Variants in IQCB1 observed in about 807,000 individuals in gnomAD.
The protein encoded by IQCB1 is IQ calmodulin-binding motif-containing protein 1.
A neutral mutation model predicts 84.4 loss-of-function variants in IQCB1; 56 were observed. The observed-to-expected ratio is 0.66, with a 90% CI of 0.54 to 0.83. IQCB1 has a LOEUF of 0.83. IQCB1 is among the 40% of genes least tolerant of loss of function. IQCB1 has a pLI of 0.00. For synonymous variants in IQCB1, 210 were observed against 234.8 expected (o/e 0.89, Z 0.96); for missense variants, 629 against 682.1 (o/e 0.92, Z 0.87).
chr3:121,792,661 CAAAAAA>C (rs56685889), intron 10 of IQCB1, among the ~76,000 whole-genome samples: 1 of 76,216 alleles, frequency 1.3e-5, no homozygotes, highest in Non-Finnish European at 2.5e-5. Flanking sequence ...GACTCCGTCT[CAAAAAA>C]AAAAAAAAAA....
intron 14 of IQCB1, 85 bp downstream of exon 14, chr3:121,772,472 A>G: frequency 7.4e-7 from 1 of 1,357,930 alleles, no homozygotes. Context: ...GATGCTTAGT[A>G]ATGGTTTCCT....
intron 13 of IQCB1, among the ~76,000 whole-genome samples, chr3:121,780,883 T>TGTGTGA (rs34302377): frequency 6.7e-6 from 1 of 148,794 alleles, no homozygotes; most frequent in Admixed American, 6.7e-5. Flanking sequence ...TGTGTGTGTG[T>TGTGTGA]GAGAGAGAGA....
chr3:121,790,140 A>G lies in IQCB1; in HGVS notation c.1062T>C (p.Leu354=). ...AAAGTCTCATGGCTCTCTGTCTTTG[A>G]AGTTGCAATTGTAATTTGAGGTCCT... is the stretch of plus-strand genomic sequence containing the variant. ...EEEDLKLQLQ[L]QRQRAMRLSR... Residue 354 remains leucine, a synonymous_variant, in exon 11 of 15, where the codon CTT becomes CTC. Coordinates refer to ENST00000310864, the MANE Select transcript of IQCB1 (RefSeq NM_001023570.4). 6.2e-7 allele frequency: 1 copy of G among 1,613,496 alleles called. No individual in the cohort carries two copies. Among genetic ancestry groups the G allele is most frequent in the Non-Finnish European group, 8.5e-7 (1 of 1,179,452 alleles).
chr3:121,785,397 A>G (rs756220070), intron 12 of IQCB1, among the ~76,000 whole-genome samples: 1 of 152,028 alleles, frequency 6.6e-6, no homozygotes, highest in South Asian at 2.1e-4. Flanking sequence ...TGGGACTACC[A>G]GTACATGCTA....
intron 8 of IQCB1, among the ~76,000 whole-genome samples, chr3:121,798,681 G>A (rs978006350): frequency 1.9e-4 from 29 of 151,878 alleles, no homozygotes; most frequent in African/African-American, 6.5e-4. Context: ...ATATGAGAAT[G>A]TATATACGCT....
rs780090760 is a variant in IQCB1, at chr3:121,781,749, T to C, written c.1404A>G (p.Arg468=). The change falls in exon 13 of 15, where the codon AGA becomes AGG. Residue 468 remains arginine (R), a synonymous_variant. Transcript: ENST00000310864. The stretch of plus-strand genomic sequence containing the variant: ...TGGTACAGAAGCTTCATACCAAATG[T>C]CTTCTGACATAGTCATCCACTCGTT... ...LKKRVDDYVR[R]HLGSPMSDVV... 1 of 1,613,424 alleles carries C rather than the reference T, an allele frequency of 6.2e-7. No homozygotes were observed. The highest frequency in any genetic ancestry group is 8.5e-7 in the Non-Finnish European group (1 of 1,179,504).
At chr3:121,772,776 C>T (rs1948056156) in intron 13 of IQCB1, 63 bp from the exon 14 acceptor site, 17 of 1,507,576 alleles carry the variant, frequency 1.1e-5, no homozygotes, top group Non-Finnish European at 1.5e-5. Flanking sequence ...TACCCAACCA[C>T]TTAGCAGAGG....
intron 7 of IQCB1, among the ~76,000 whole-genome samples, chr3:121,800,080 G>C (rs996296860): frequency 1.3e-5 from 2 of 151,826 alleles, no homozygotes; most frequent in African/African-American, 4.8e-5. Context: ...TTATCTAAGA[G>C]CAATGTAAAC....
At position 121,820,891 on chromosome 3, in the gene IQCB1, C is replaced by T. The variant is rs370086307; in HGVS notation, c.393+5160G>A. Among the ~76,000 whole-genome samples the T allele has an allele frequency of 6.9e-4, 104 of 151,422 alleles. 1 individual carries two copies. In the South Asian group the frequency reaches 0.019, roughly 28 times the overall value. ...AATAATTTAAAATGGTCTCTTCTTC[C>T]GCTCTCTCCAGCATACTCTTATGTC... On this transcript the variant is annotated intron_variant, in intron 5 of 14. Coordinates refer to ENST00000310864, the MANE Select transcript of IQCB1 (RefSeq NM_001023570.4).
intron 10 of IQCB1, 25 bp from the exon 11 acceptor site, chr3:121,790,240 C>G: frequency 6.2e-7 from 1 of 1,606,358 alleles, no homozygotes; most frequent in Non-Finnish European, 8.5e-7. Flanking sequence ...GTGTGTTATA[C>G]ATAATTTTCA....
intron 13 of IQCB1, among the ~76,000 whole-genome samples, chr3:121,777,342 T>C (rs1948270133): frequency 6.6e-6 from 1 of 152,238 alleles, no homozygotes; most frequent in African/African-American, 2.4e-5. Context: ...CTACTACATA[T>C]GTAGGCTATG....
rs756582837 is a variant in IQCB1, at chr3:121,790,106, A to G, written c.1096T>C (p.Leu366=). 3 of 1,613,820 alleles carry G rather than the reference A, an allele frequency of 1.9e-6. No homozygotes were observed. The highest frequency in any genetic ancestry group is 2.5e-6 in the Non-Finnish European group (3 of 1,179,726). ...ACTATTTCGAGCATACTCAGCTGCAATTCTCGGGAAAGTCTCATGGCTCTC... is the reference window on the plus strand; with the variant it reads ...ACTATTTCGAGCATACTCAGCTGCAGTTCTCGGGAAAGTCTCATGGCTCTC... ...RQRAMRLSRE[L]QLSMLEIVHP... The change falls in exon 11 of 15, where the codon TTG becomes CTG. Residue 366 remains leucine (L), a synonymous_variant. Transcript: ENST00000310864.
At position 121,770,127 on chromosome 3, in the gene IQCB1, CACAAATCTGTGTGTGG is replaced by C; in HGVS notation, c.*202_*217del. 1.9e-6 allele frequency: 1 copy of C among 531,254 alleles called. No individual in the cohort carries two copies. Among genetic ancestry groups the C allele is most frequent in the South Asian group, 2.3e-5 (1 of 43,676 alleles). 32.9% of individuals were successfully genotyped at this position (531,254 alleles called of 1,614,324 possible). On this transcript the variant is annotated 3_prime_UTR_variant, in exon 15 of 15. Coordinates refer to ENST00000310864, the MANE Select transcript of IQCB1 (RefSeq NM_001023570.4). ...AAGTTTAGTTCTACAATAAAAGCCA[CACAAATCTGTGTGTGG>C]CTAACGATGAGGATACAGAGAAAAG...
intron 6 of IQCB1, among the ~76,000 whole-genome samples, chr3:121,808,315 T>TA (rs1439967908): frequency 2.0e-5 from 3 of 151,990 alleles, no homozygotes; most frequent in Non-Finnish European, 2.9e-5. Context: ...AAGTATTACT[T>TA]AAAAAATATT....
rs1948818458 is a variant in IQCB1 at position 121,788,322 on chromosome 3, G to A, written c.1240C>T (p.Leu414Phe). 2 of 1,613,918 alleles carry A rather than the reference G, an allele frequency of 1.2e-6. No homozygotes were observed. The highest frequency in any genetic ancestry group is 1.1e-5 in the South Asian group (1 of 91,080). ...GTGACAGCTGCTTTATACTCTATGAGAGACTGCCTCTGTTGGTGAAAATTT... is the reference window on the plus strand; with the variant it reads ...GTGACAGCTGCTTTATACTCTATGAAAGACTGCCTCTGTTGGTGAAAATTT... ...RKNFHQQRQS[L>F]IEYKAAVTLQ... Residue 414 changes from leucine (L) to phenylalanine (F), a missense_variant, in exon 12 of 15, where the codon CTC becomes TTC. Transcript: ENST00000310864.
intron 10 of IQCB1, 31 bp from the exon 11 acceptor site, chr3:121,790,246 T>C: frequency 6.2e-7 from 1 of 1,605,928 alleles, no homozygotes; most frequent in South Asian, 1.1e-5. Flanking sequence ...TATACATAAT[T>C]TTCATAAATC....
intron 10 of IQCB1, among the ~76,000 whole-genome samples, chr3:121,794,235 A>G (rs1559769606): frequency 6.6e-6 from 1 of 152,110 alleles, no homozygotes. Context: ...TAATGCATCT[A>G]TTTGTTTACC....
At chr3:121,821,754 G>A in intron 5 of IQCB1, among the ~76,000 whole-genome samples, 1 of 152,168 alleles carries the variant, frequency 6.6e-6, no homozygotes. Flanking sequence ...GCAACTGTTT[G>A]AAGGTTTTAG....
At chr3:121,801,569 C>T (rs1277979165) in intron 7 of IQCB1, among the ~76,000 whole-genome samples, 2 of 151,968 alleles carry the variant, frequency 1.3e-5, no homozygotes, top group Non-Finnish European at 2.9e-5. Flanking sequence ...TTGTTTTAAA[C>T]AGCTTTTTAA....
Sources: gnomAD v4.1 joint callset for allele counts (sites outside exome capture counted in the v4.1 genomes callset) on GRCh38, gnomAD v4.1.1 for gene constraint, MANE v1.5 for transcripts, NCBI Gene and HGNC (gene_info 2026-07-23, HGNC 2026-07-21) for gene names.